Variants in DNAH17 observed in about 807,000 individuals in gnomAD.
The protein encoded by DNAH17 is dynein axonemal heavy chain 17, also known as axonemal beta dynein heavy chain 17.
DNAH17 carries 376 observed loss-of-function variants against 485.6 expected under a neutral mutation model. The ratio of observed to expected loss-of-function variants is 0.77; its 90% CI spans 0.71 to 0.84. DNAH17 has a LOEUF of 0.84. Ranked by LOEUF, DNAH17 falls within the 40% of genes least tolerant of loss-of-function variation. The probability of loss-of-function intolerance (pLI) is 0.00; values close to 1 mark genes in which losing one functional copy is unlikely to be tolerated. For synonymous variants in DNAH17, 3,031 were observed against 2,405.9 expected (o/e 1.26, Z -7.60); for missense variants, 6,370 against 5,839.3 (o/e 1.09, Z -2.96).
At chr17:78,572,954 C>T (rs1336308730) in intron 2 of DNAH17, 60 bp from the exon 3 acceptor site, 1 of 1,498,456 alleles carries the variant, frequency 6.7e-7, no homozygotes, top group Non-Finnish European at 9.1e-7. Flanking sequence ...GGCAACCGCA[C>T]AGAGCCAGGT....
At position 78,501,697 on chromosome 17, in the gene DNAH17, G is replaced by T. The variant is rs547177939; in HGVS notation, c.5322+45C>A. 3.8e-6 allele frequency: 6 copies of T among 1,599,616 alleles called. No homozygotes were observed. The South Asian group carries it at 5.5e-5, about 15-fold the overall frequency. On this transcript the variant is annotated intron_variant, in intron 34 of 80. Transcript: ENST00000389840. ...CTGAATGCACTGCCCTGAACCCGGT[G>T]TCCCCTTGCCCTTCCCCTGGCCCCT...
chr17:78,512,723 C>T (rs977843811), intron 26 of DNAH17, among the ~76,000 whole-genome samples: 2 of 152,104 alleles, frequency 1.3e-5, no homozygotes, highest in Admixed American at 6.6e-5. Flanking sequence ...TGGTGGATCA[C>T]CTGAGGTCAG....
intron 57 of DNAH17, among the ~76,000 whole-genome samples, chr17:78,461,937 G>T (rs990529540): frequency 6.6e-6 from 1 of 152,024 alleles, no homozygotes; most frequent in African/African-American, 2.4e-5. Context: ...GTGCTCAAAG[G>T]AGTTGGCAAG....
Position 78,495,947 on chromosome 17 carries a change from C to G in DNAH17, c.5831G>C (p.Gly1944Ala). 1 of 1,613,962 alleles carries G rather than the reference C, an allele frequency of 6.2e-7. No individual in the cohort carries two copies. The highest frequency in any genetic ancestry group is 8.5e-7 in the Non-Finnish European group (1 of 1,179,876). Residue 1944 changes from glycine to alanine, a missense_variant, in exon 38 of 81, where the codon GGT (glycine) becomes GCT (alanine). Coordinates refer to ENST00000389840, the MANE Select transcript of DNAH17 (RefSeq NM_173628.4). The stretch of plus-strand genomic sequence containing the variant: ...CCCAGGGTTCATGGTGATGAAGATA[C>G]CGACGGTGGGAATGAGGCCTATGAT... ...GEIIGLIPTV[G>A]IFITMNPGYA...
intron 70 of DNAH17, among the ~76,000 whole-genome samples, chr17:78,445,237 G>C (rs1398352003): frequency 1.4e-5 from 2 of 142,932 alleles, no homozygotes; most frequent in South Asian, 4.7e-4. Flanking sequence ...GGGGAGGCTG[G>C]GGGGAGGAGG....
chr17:78,484,745 C>CCGGCG, intron 48 of DNAH17, 123 bp downstream of exon 48: 1 of 438,024 alleles, frequency 2.3e-6, no homozygotes, highest in Non-Finnish European at 3.6e-6. Flanking sequence ...CAGCACCCCC[C>CCGGCG]CCACCGCCCC....
chr17:78,575,567 G>A (rs1047020944), intron 1 of DNAH17, among the ~76,000 whole-genome samples: 8 of 152,280 alleles, frequency 5.3e-5, no homozygotes, highest in Middle Eastern at 3.4e-3. Flanking sequence ...GAGGCTCAGC[G>A]CTCAGTCTTA....
chr17:78,567,257 G>A, intron 9 of DNAH17, 91 bp from the exon 10 acceptor site: 1 of 1,416,406 alleles, frequency 7.1e-7, no homozygotes, highest in Non-Finnish European at 9.6e-7. Flanking sequence ...GGCAGGAGGA[G>A]CTGGGGAGCA....
chr17:78,566,842 G>T, intron 10 of DNAH17, 112 bp from the exon 11 acceptor site: 1 of 1,295,190 alleles, frequency 7.7e-7, no homozygotes, highest in Non-Finnish European at 1.1e-6. Flanking sequence ...GCAGCTGAAT[G>T]TGCTGTTGCG....
intron 18 of DNAH17, 94 bp from the exon 19 acceptor site, chr17:78,537,575 G>A: frequency 1.5e-6 from 2 of 1,364,158 alleles, no homozygotes; most frequent in East Asian, 2.5e-5. Flanking sequence ...CCATCAATGT[G>A]TCACTGCCTT....
intron 1 of DNAH17, among the ~76,000 whole-genome samples, chr17:78,575,376 C>T (rs2092419029): frequency 6.6e-6 from 1 of 152,012 alleles, no homozygotes; most frequent in Non-Finnish European, 1.5e-5. Flanking sequence ...GAGATGAATG[C>T]TGGAGAAAGA....
chr17:78,537,467 G>A lies in DNAH17; in HGVS notation c.2691C>T (p.Pro897=), dbSNP rs751153814. 4.3e-6 allele frequency: 7 copies of A among 1,613,340 alleles called. No homozygotes were observed. The highest frequency in any genetic ancestry group is 4.5e-5 in the East Asian group (2 of 44,878). Residue 897 remains proline (P), a synonymous_variant, in exon 19 of 81, where the codon CCC becomes CCT. Transcript: ENST00000389840. ...CCAGCTCCATGCGGATCTCAAACAGGGGAGCGATACTCTCCTGAAAGAGGG... is the reference window on the plus strand; with the variant it reads ...CCAGCTCCATGCGGATCTCAAACAGAGGAGCGATACTCTCCTGAAAGAGGG... ...DNMVIDESIA[P]LFEIRMELDE...
intron 20 of DNAH17, among the ~76,000 whole-genome samples, chr17:78,531,335 G>A (rs745524267): frequency 2.0e-4 from 28 of 141,578 alleles, no homozygotes; most frequent in Non-Finnish European, 4.6e-5. Context: ...CATAAAGTCT[G>A]TCTTTTTTTT....
chr17:78,450,850 C>A lies in DNAH17; in HGVS notation c.10735-4G>T. Reference sequence around the variant, plus strand: ...TTTGAGACTTGGTGAGGTTTGCCTGCAAGGGGAGGTGCAGGAGTCACTGCA... The same window carrying A: ...TTTGAGACTTGGTGAGGTTTGCCTGAAAGGGGAGGTGCAGGAGTCACTGCA... On this transcript the variant is annotated splice_region_variant and splice_polypyrimidine_tract_variant and intron_variant, in intron 66 of 80. Coordinates refer to ENST00000389840, the MANE Select transcript of DNAH17 (RefSeq NM_173628.4). 5.6e-6 allele frequency: 9 copies of A among 1,613,780 alleles called. No homozygotes were observed. Among genetic ancestry groups the A allele is most frequent in the Non-Finnish European group, 7.6e-6 (9 of 1,179,786 alleles).
intron 48 of DNAH17, among the ~76,000 whole-genome samples, chr17:78,483,565 GGTTGCA>G (rs2089445558): frequency 1.3e-5 from 2 of 152,148 alleles, no homozygotes; most frequent in South Asian, 4.1e-4. Flanking sequence ...AGGAGGCAGA[GGTTGCA>G]GTGAGCCAAG....
intron 54 of DNAH17, among the ~76,000 whole-genome samples, chr17:78,471,904 G>A (rs574596989): frequency 3.3e-4 from 51 of 152,280 alleles, no homozygotes; most frequent in African/African-American, 1.2e-3. Flanking sequence ...GCTGTGCGAT[G>A]GCCGCCTCAT....
Position 78,564,969 on chromosome 17 carries a change from C to A in DNAH17, c.1569+1645G>T, listed in dbSNP as rs1478393269. 2.0e-5 allele frequency among the ~76,000 whole-genome samples: 3 copies of A among 152,112 alleles called. No individual in the cohort carries two copies. In the East Asian group the frequency reaches 5.8e-4, roughly 29 times the overall value. Reference sequence around the variant, plus strand: ...GAATGTTGCCAGATTCTTTGCTTAGCCAAAGATTCTCATCAGGGTCTCCAT... The same window carrying A: ...GAATGTTGCCAGATTCTTTGCTTAGACAAAGATTCTCATCAGGGTCTCCAT... On this transcript the variant is annotated intron_variant, in intron 11 of 80. Transcript: ENST00000389840.
In DNAH17 at chr17:78,571,389, G is replaced by A; in HGVS notation, c.733-11C>T. 1 of 1,604,782 alleles carries A rather than the reference G, an allele frequency of 6.2e-7. No individual in the cohort carries two copies. The highest frequency in any genetic ancestry group is 8.5e-7 in the Non-Finnish European group (1 of 1,171,924). ...TTTGGGTCTGTTTAGCTGAGAAGGGGAGTGAAGATCCACCTTTCATTGACC... is the reference window on the plus strand; with the variant it reads ...TTTGGGTCTGTTTAGCTGAGAAGGGAAGTGAAGATCCACCTTTCATTGACC... On this transcript the variant is annotated splice_polypyrimidine_tract_variant and intron_variant, in intron 4 of 80. Coordinates refer to ENST00000389840, the MANE Select transcript of DNAH17 (RefSeq NM_173628.4).
chr17:78,563,775 C>T (rs1424295819), intron 11 of DNAH17, among the ~76,000 whole-genome samples: 2 of 151,570 alleles, frequency 1.3e-5, no homozygotes, highest in East Asian at 3.9e-4. Context: ...GAAGGGACAA[C>T]AAGGGAGAGA....
Sources: allele counts gnomAD v4.1 joint callset (sites outside exome capture counted in the v4.1 genomes callset), GRCh38; gene constraint gnomAD v4.1.1; transcripts MANE v1.5; gene names NCBI Gene and HGNC (gene_info 2026-07-23, HGNC 2026-07-21).